The following NBEA variants were observed in gnomAD, a reference collection of about 807,000 sequenced individuals.
NBEA encodes lysosomal-trafficking regulator 2.
In NBEA, 44 loss-of-function variants were observed where a neutral mutation model predicts 343.4. The observed-to-expected ratio is 0.13, with a 90% CI of 0.10 to 0.16. The LOEUF is 0.16. Ranked by LOEUF, NBEA falls within the 10% of genes least tolerant of loss-of-function variation. The probability of loss-of-function intolerance (pLI) is 1.00; values close to 1 mark genes in which losing one functional copy is unlikely to be tolerated. For synonymous variants in NBEA, 1,175 were observed against 1,238.7 expected, an observed-to-expected ratio of 0.95 and a Z score of 1.08; for missense variants, 2,555 against 3,631.3, an observed-to-expected ratio of 0.70 and a Z score of 7.62.
intron 55 of NBEA, among the ~76,000 whole-genome samples, chr13:35,661,064 G>A (rs1185574198): frequency 6.6e-6 from 1 of 152,176 alleles, no homozygotes; most frequent in African/African-American, 2.4e-5. Context: ...AGACTGAGAA[G>A]GGAGCTGCTT....
chr13:35,243,100 T>G (rs1461778386), intron 34 of NBEA, among the ~76,000 whole-genome samples: 1 of 151,910 alleles, frequency 6.6e-6, no homozygotes, highest in Non-Finnish European at 1.5e-5. Flanking sequence ...GTAAGCAATA[T>G]ATAAAGATAT....
At chr13:35,591,837 A>G (rs1387540787) in intron 46 of NBEA, among the ~76,000 whole-genome samples, 1 of 152,100 alleles carries the variant, frequency 6.6e-6, no homozygotes, top group East Asian at 1.9e-4. Context: ...CAGAGATTAC[A>G]TATTAAAGAA....
intron 23 of NBEA, 41 bp downstream of exon 23, chr13:35,162,008 A>G: frequency 6.1e-6 from 9 of 1,475,780 alleles, no homozygotes; most frequent in Non-Finnish European, 7.3e-6. Flanking sequence ...GCAAATATTT[A>G]AAATATGCCA....
chr13:35,478,676 C>G (rs758411880), intron 41 of NBEA, among the ~76,000 whole-genome samples: 1 of 152,266 alleles, frequency 6.6e-6, no homozygotes, highest in Non-Finnish European at 1.5e-5. Flanking sequence ...TGCCCACGCA[C>G]CCCTCAGCCT....
chr13:34,989,301 C>G (rs1370590449), intron 1 of NBEA, among the ~76,000 whole-genome samples: 1 of 150,922 alleles, frequency 6.6e-6, no homozygotes, highest in Non-Finnish European at 1.5e-5. Flanking sequence ...TCTCACATTA[C>G]TATAAGTAAC....
intron 38 of NBEA, among the ~76,000 whole-genome samples, chr13:35,389,970 A>AGTGTGTGTGTGT (rs10523765): frequency 0.1 from 14,013 of 137,836 alleles, 761 homozygotes; most frequent in East Asian, 0.15. Context: ...TCTTTTGTAG[A>AGTGTGTGTGTGT]GTGTGTGTGT....
At chr13:35,404,053 A>G (rs886453349) in intron 38 of NBEA, among the ~76,000 whole-genome samples, 5 of 152,198 alleles carry the variant, frequency 3.3e-5, no homozygotes, top group Admixed American at 2.6e-4. Context: ...ACAATGAGAT[A>G]CCATCTCACA....
chr13:34,993,905 G>A (rs1050806847), intron 1 of NBEA, among the ~76,000 whole-genome samples: 1 of 151,818 alleles, frequency 6.6e-6, no homozygotes, highest in African/African-American at 2.4e-5. Context: ...ATAAAAAATG[G>A]CTTCATAAGG....
chr13:35,412,520 G>A (rs1256003820), intron 38 of NBEA, among the ~76,000 whole-genome samples: 2 of 152,044 alleles, frequency 1.3e-5, no homozygotes, highest in African/African-American at 2.4e-5. Flanking sequence ...GAAATAGACT[G>A]AAAGCTGCAC....
intron 1 of NBEA, among the ~76,000 whole-genome samples, chr13:34,990,237 T>C (rs894664207): frequency 6.6e-6 from 1 of 151,070 alleles, no homozygotes; most frequent in Non-Finnish European, 1.5e-5. Flanking sequence ...TGGGGACTCT[T>C]TGTGGGGGCT....
At chr13:35,623,385 C>A (rs1251725471) in intron 48 of NBEA, among the ~76,000 whole-genome samples, 1 of 152,064 alleles carries the variant, frequency 6.6e-6, no homozygotes, top group Non-Finnish European at 1.5e-5. Context: ...ATGTTCCATT[C>A]TTAGATATTC....
chr13:35,666,351 T>G (rs1490213107), intron 56 of NBEA, among the ~76,000 whole-genome samples: 1 of 151,780 alleles, frequency 6.6e-6, no homozygotes, highest in Non-Finnish European at 1.5e-5. Flanking sequence ...ATAGGATATT[T>G]TCAGTCTTTT....
chr13:35,308,452 A>ATATATATATATATATG, intron 35 of NBEA, among the ~76,000 whole-genome samples: 1 of 117,712 alleles, frequency 8.5e-6, no homozygotes, highest in East Asian at 2.3e-4. Flanking sequence ...ATATATATAT[A>ATATATATATATATATG]TATATATATA....
chr13:35,055,376 C>G (rs1254557933), intron 6 of NBEA, among the ~76,000 whole-genome samples: 4 of 151,646 alleles, frequency 2.6e-5, no homozygotes, highest in Non-Finnish European at 5.9e-5. Flanking sequence ...TGAACTCTTT[C>G]ATTTATTCTT....
At chr13:35,389,670 A>G (rs973721110) in intron 38 of NBEA, among the ~76,000 whole-genome samples, 1 of 152,104 alleles carries the variant, frequency 6.6e-6, no homozygotes, top group Non-Finnish European at 1.5e-5. Context: ...CCTATTTTAA[A>G]TGGTTCCTAC....
At chr13:35,475,357 T>C in intron 41 of NBEA, 1 of 1,613,920 alleles carries the variant, frequency 6.2e-7, no homozygotes, top group Non-Finnish European at 8.5e-7. Context: ...CAGTTCAAGG[T>C]GACGATCCCT....
intron 24 of NBEA, chr13:35,165,172 A>C: frequency 3.8e-6 from 2 of 527,580 alleles, no homozygotes; most frequent in Admixed American, 2.0e-5. Context: ...TCATTTTACT[A>C]AGATGTGCTT....
At chr13:35,285,694 C>T (rs530024529) in intron 34 of NBEA, among the ~76,000 whole-genome samples, 23 of 152,252 alleles carry the variant, frequency 1.5e-4, no homozygotes, top group African/African-American at 4.3e-4. Context: ...AGCTTTCAGT[C>T]GTGTAACTAA....
intron 38 of NBEA, among the ~76,000 whole-genome samples, chr13:35,417,505 T>C (rs1370919988): frequency 6.6e-6 from 1 of 152,212 alleles, no homozygotes; most frequent in Non-Finnish European, 1.5e-5. Context: ...CCAGTAGTCA[T>C]TCAGGAGCAG....
Sources: allele counts gnomAD v4.1 joint callset (sites outside exome capture counted in the v4.1 genomes callset), GRCh38; gene constraint gnomAD v4.1.1; transcripts MANE v1.5; gene names NCBI Gene and HGNC (gene_info 2026-07-23, HGNC 2026-07-21).